Variants in CEACAM8 observed in about 807,000 individuals in gnomAD.
CEACAM8 encodes CEA cell adhesion molecule 8, also known as cell adhesion molecule CEACAM8.
A neutral mutation model predicts 33.4 loss-of-function variants in CEACAM8; 31 were observed. The observed-to-expected ratio is 0.93, with a 90% CI of 0.70 to 1.25. The LOEUF (loss-of-function observed/expected upper bound fraction) is 1.25, where lower values mean the gene tolerates loss of function less well. Among genes scored for constraint, CEACAM8 ranks in the 50% most tolerant of loss-of-function variants. CEACAM8 has a pLI of 0.00. For missense variants in CEACAM8, 388 were observed against 434.6 expected, an observed-to-expected ratio of 0.89 and a Z score of 0.95; for synonymous variants, 138 against 164.5, an observed-to-expected ratio of 0.84 and a Z score of 1.23.
intron 2 of CEACAM8, among the ~76,000 whole-genome samples, chr19:42,592,616 A>G (rs2042464555): frequency 6.6e-6 from 1 of 151,494 alleles, no homozygotes; most frequent in African/African-American, 2.4e-5. Context: ...AAAAAAAAAA[A>G]AAAAGAAATA....
rs142108928 is a variant in CEACAM8 at position 42,588,873 on chromosome 19, G to A, written c.869C>T (p.Thr290Ile). 3.1e-6 allele frequency: 5 copies of A among 1,614,196 alleles called. No individual in the cohort carries two copies. Among genetic ancestry groups the A allele is most frequent in the Non-Finnish European group, 4.2e-6 (5 of 1,180,038 alleles). ...GGCATAGGATCCGCTGTTCTTTGTA[G>A]TGATGTTGGGGATAAAGAGCTTTTG... is the stretch of plus-strand genomic sequence containing the variant. ...YTQKLFIPNI[T>I]TKNSGSYACH... The change falls in exon 4 of 6, where the codon ACT becomes ATT. Residue 290 changes from threonine to isoleucine, a missense_variant. Thr to Ile is a moderately conservative substitution (Grantham distance 89). Transcript: ENST00000244336.
At chr19:42,583,074 C>T (rs1251386571) in intron 5 of CEACAM8, 132 bp downstream of exon 5, 5 of 609,074 alleles carry the variant, frequency 8.2e-6, no homozygotes, top group African/African-American at 1.9e-5. Context: ...AAGAAGAGAC[C>T]TGCAGGAATT....
At chr19:42,581,865 G>C (rs1406548205) in intron 5 of CEACAM8, among the ~76,000 whole-genome samples, 1 of 122,694 alleles carries the variant, frequency 8.2e-6, no homozygotes, top group Non-Finnish European at 1.6e-5. Flanking sequence ...ACTCCAGCCT[G>C]GCGACGGAGC....
At chr19:42,590,286 C>T (rs1410117736) in intron 2 of CEACAM8, among the ~76,000 whole-genome samples, 3 of 152,158 alleles carry the variant, frequency 2.0e-5, no homozygotes, top group Non-Finnish European at 4.4e-5. Flanking sequence ...GGCAGTGGAG[C>T]CACAAGGTGG....
intron 5 of CEACAM8, among the ~76,000 whole-genome samples, chr19:42,582,720 A>C (rs747498570): frequency 3.3e-5 from 5 of 152,210 alleles, no homozygotes; most frequent in Non-Finnish European, 5.9e-5. Context: ...TAGGGAGTAG[A>C]GGGAATGGAA....
intron 4 of CEACAM8, among the ~76,000 whole-genome samples, chr19:42,584,394 C>A (rs146074163): frequency 1.3e-5 from 2 of 152,210 alleles, no homozygotes; most frequent in Admixed American, 6.5e-5. Context: ...TACAATAACT[C>A]TCTTGGGTAG....
At chr19:42,590,906 AG>A (rs1302324421) in intron 2 of CEACAM8, among the ~76,000 whole-genome samples, 2 of 152,240 alleles carry the variant, frequency 1.3e-5, no homozygotes, top group African/African-American at 4.8e-5. Context: ...CATAAGGCTT[AG>A]GGCCAAAAGT....
At chr19:42,591,667 C>G (rs1416814077) in intron 2 of CEACAM8, among the ~76,000 whole-genome samples, 2 of 152,170 alleles carry the variant, frequency 1.3e-5, no homozygotes. Context: ...GTGGCTCATG[C>G]GTCTCCCCAC....
intron 1 of CEACAM8, among the ~76,000 whole-genome samples, chr19:42,594,274 TTGTC>T (rs2042505346): frequency 6.6e-6 from 1 of 152,162 alleles, no homozygotes; most frequent in Non-Finnish European, 1.5e-5. Context: ...CTAGATCTCT[TTGTC>T]TGTCTTCCTC....
rs1170962299 is a variant in CEACAM8 at position 42,581,324 on chromosome 19, A to C, written c.*70T>G. The C allele has an allele frequency of 1.3e-5, 2 of 152,198 alleles. No individual in the cohort carries two copies. The highest frequency in any genetic ancestry group is 2.9e-5 in the Non-Finnish European group (2 of 68,034). 9.4% of individuals were successfully genotyped at this position (152,198 alleles called of 1,614,324 possible). A position where few individuals can be genotyped will look rare whatever the true frequency, so the allele number is the denominator to read the frequency against. On this transcript the variant is annotated 3_prime_UTR_variant, in exon 6 of 6. Transcript: ENST00000244336. ...CAATTTTGAATGGTAGCTGATTGCA[A>C]ATGCTTTGAGGAAGAATAAAAACAA...
chr19:42,584,780 A>C (rs970852000), intron 4 of CEACAM8, among the ~76,000 whole-genome samples: 1 of 152,234 alleles, frequency 6.6e-6, no homozygotes, highest in African/African-American at 2.4e-5. Context: ...CCTAATTTGC[A>C]ACTTCATGGT....
rs1409758978 is a variant in CEACAM8 at position 42,580,326 on chromosome 19, T to C, written c.*1068A>G. 1 of 152,198 alleles carries C rather than the reference T, an allele frequency of 6.6e-6. No homozygotes were observed. The highest frequency in any genetic ancestry group is 1.9e-4 in the East Asian group (1 of 5,198). 9.4% of individuals were successfully genotyped at this position (152,198 alleles called of 1,614,324 possible). On this transcript the variant is annotated 3_prime_UTR_variant, in exon 6 of 6. Transcript: ENST00000244336. ...AACAGACAGTGAGAACAAGTGAGTC[T>C]AGGAGTCTGACTCTAAAAGAGACCA...
Position 42,584,903 on chromosome 19 carries a change from CA to C in CEACAM8, c.959-1567del, listed in dbSNP as rs780152090. Reference sequence around the variant, plus strand: ...AAACAATAGAGGAAATCAATGAAACCAAAAGTTGGTTCTTCAAAATAAGATC... The same window carrying C: ...AAACAATAGAGGAAATCAATGAAACCAAAGTTGGTTCTTCAAAATAAGATC... On this transcript the variant is annotated intron_variant, in intron 4 of 5. Coordinates refer to ENST00000244336, the MANE Select transcript of CEACAM8 (RefSeq NM_001816.4). Among the ~76,000 whole-genome samples the C allele has an allele frequency of 2.0e-5, 3 of 152,146 alleles. No individual in the cohort carries two copies. In the East Asian group the frequency reaches 5.8e-4, roughly 29 times the overall value.
chr19:42,586,229 A>G (rs7246591), intron 4 of CEACAM8, among the ~76,000 whole-genome samples: 4,618 of 152,234 alleles, frequency 0.03, 242 homozygotes, highest in African/African-American at 0.1. Flanking sequence ...TTTTGCAGAA[A>G]TAGAAAAATC....
intron 1 of CEACAM8, 62 bp from the exon 2 acceptor site, chr19:42,593,962 G>T: frequency 6.6e-7 from 1 of 1,508,218 alleles, no homozygotes; most frequent in South Asian, 1.3e-5. Context: ...GAAAAATGGG[G>T]ACATCAGCTT....
chr19:42,586,996 T>A (rs996631267), intron 4 of CEACAM8, among the ~76,000 whole-genome samples: 4 of 152,122 alleles, frequency 2.6e-5, no homozygotes, highest in African/African-American at 9.7e-5. Flanking sequence ...TCAACATCAC[T>A]GATACTTAGA....
rs2042516079 is a variant in CEACAM8, at chr19:42,594,783, G to C, written c.46C>G (p.Gln16Glu). 2 of 1,610,790 alleles carry C rather than the reference G, an allele frequency of 1.2e-6. No homozygotes were observed. Among genetic ancestry groups the C allele is most frequent in the Admixed American group, 1.7e-5 (1 of 59,852 alleles). Reference sequence around the variant, plus strand: ...TCCTCACCTGTGAGCAGGAGCCCCTGCCAGGGGATGCGCCATCTGCAGGAA... The same window carrying C: ...TCCTCACCTGTGAGCAGGAGCCCCTCCCAGGGGATGCGCCATCTGCAGGAA... ...APSCRWRIPW[Q>E]GLLLTASLFT... Residue 16 changes from glutamine to glutamate, a missense_variant, in exon 1 of 6, where the codon CAG (glutamine) becomes GAG (glutamate). Coordinates refer to ENST00000244336, the MANE Select transcript of CEACAM8 (RefSeq NM_001816.4).
rs371559320 is a variant in CEACAM8, at chr19:42,593,732, C to T, written c.233G>A (p.Arg78Gln). The T allele has an allele frequency of 5.9e-5, 96 of 1,613,864 alleles. No individual in the cohort carries two copies. The highest frequency in any genetic ancestry group is 7.5e-5 in the Non-Finnish European group (88 of 1,179,998). The part of the protein sequence containing the change: ...YKGETVDANR[R>Q]IIGYVISNQQ... ...ATTTGATATTACATATCCTATAATTCGACGGTTGGCATCCACTGTTTCCCC... is the reference window on the plus strand; with the variant it reads ...ATTTGATATTACATATCCTATAATTTGACGGTTGGCATCCACTGTTTCCCC... The change falls in exon 2 of 6, where the codon CGA becomes CAA. Residue 78 changes from arginine to glutamine, a missense_variant. Physicochemically the swap from Arg to Gln is conservative, Grantham distance 43 (BLOSUM62 1). Transcript: ENST00000244336.
chr19:42,586,661 T>C (rs2042342489), intron 4 of CEACAM8, among the ~76,000 whole-genome samples: 1 of 152,120 alleles, frequency 6.6e-6, no homozygotes, highest in African/African-American at 2.4e-5. Context: ...AAAAACTCCA[T>C]GACATTGGAT....
Sources: allele counts gnomAD v4.1 joint callset (sites outside exome capture counted in the v4.1 genomes callset), GRCh38; gene constraint gnomAD v4.1.1; transcripts MANE v1.5; gene names NCBI Gene and HGNC (gene_info 2026-07-23, HGNC 2026-07-21).